Variants in HIPK2 observed in about 807,000 individuals in gnomAD.
The protein encoded by HIPK2 is homeodomain interacting protein kinase 2, also known as homeodomain-interacting protein kinase 2.
In HIPK2, 27 loss-of-function variants were observed where a neutral mutation model predicts 113.7. The ratio of observed to expected loss-of-function variants is 0.24; its 90% confidence interval spans 0.17 to 0.33. The LOEUF is 0.33. Among genes scored for constraint, HIPK2 ranks in the 10% least tolerant of loss-of-function variants. The probability of loss-of-function intolerance (pLI) is 1.00; values close to 1 mark genes in which losing one functional copy is unlikely to be tolerated. For missense variants in HIPK2, 1,257 were observed against 1,588.0 expected (o/e 0.79, Z 3.54); for synonymous variants, 631 against 642.2 (o/e 0.98, Z 0.26).
chr7:139,666,641 ACAAGACAC>A (rs1475442864), intron 2 of HIPK2, among the ~76,000 whole-genome samples: 2 of 152,230 alleles, frequency 1.3e-5, no homozygotes, highest in Admixed American at 6.5e-5. Flanking sequence ...CCACAGTACA[ACAAGACAC>A]CATATTTTGG....
intron 13 of HIPK2, among the ~76,000 whole-genome samples, chr7:139,580,541 T>C (rs947794247): frequency 1.3e-5 from 2 of 152,206 alleles, no homozygotes; most frequent in Non-Finnish European, 2.9e-5. Flanking sequence ...ATTCTAGAGT[T>C]TTCCAGTCAT....
At position 139,614,322 on chromosome 7, in the gene HIPK2, G is replaced by A; in HGVS notation, c.1954C>T (p.Gln652Ter). 1.3e-6 allele frequency: 2 copies of A among 1,556,700 alleles called. No homozygotes were observed. The highest frequency in any genetic ancestry group is 1.8e-5 in the Admixed American group (1 of 55,986). Residue 652 changes from glutamine (Q) to a stop codon, truncating the protein, a stop_gained, in exon 8 of 15, where the codon CAG (glutamine) becomes TAG (stop). Transcript: ENST00000406875. LOFTEE classifies it high-confidence loss of function. ...GGGGGACACACGATGAGAGCTTGCT[G>A]GAACGGGTCAGGCCGGGCACAAATC... ...AQICARPDPF[Q>*]QALIVCPPGF...
chr7:139,747,214 G>C (rs1796204363), intron 1 of HIPK2, among the ~76,000 whole-genome samples: 1 of 152,130 alleles, frequency 6.6e-6, no homozygotes, highest in African/African-American at 2.4e-5. Context: ...ATCAATTCAG[G>C]GGCTGGAGGC....
At chr7:139,731,226 T>C (rs538479212) in intron 1 of HIPK2, among the ~76,000 whole-genome samples, 5 of 152,336 alleles carry the variant, frequency 3.3e-5, no homozygotes, top group African/African-American at 1.2e-4. Context: ...AAATGGCAGG[T>C]TGCCCTCTCA....
chr7:139,662,029 C>T (rs528071640), intron 2 of HIPK2, among the ~76,000 whole-genome samples: 9 of 152,326 alleles, frequency 5.9e-5, no homozygotes, highest in African/African-American at 1.9e-4. Flanking sequence ...ATATGTTTAG[C>T]TTGGCTTCTG....
At position 139,635,051 on chromosome 7, in the gene HIPK2, G is replaced by A. The variant is rs372400653; in HGVS notation, c.1104-3326C>T. 1.2e-4 allele frequency among the ~76,000 whole-genome samples: 19 copies of A among 152,260 alleles called. No homozygotes were observed. The South Asian group carries it at 3.9e-3, about 32-fold the overall frequency. The stretch of plus-strand genomic sequence containing the variant: ...GGTGTCAGAACCTGCTTTTCTCTCT[G>A]CCCTCCCTGTTCTAGAGTCAGGGGT... On this transcript the variant is annotated intron_variant, in intron 2 of 14. Coordinates refer to ENST00000406875, the MANE Select transcript of HIPK2 (RefSeq NM_022740.5).
intron 2 of HIPK2, among the ~76,000 whole-genome samples, chr7:139,681,181 C>T (rs1488524684): frequency 1.3e-5 from 2 of 152,168 alleles, no homozygotes; most frequent in Non-Finnish European, 2.9e-5. Flanking sequence ...GTTTTCACTG[C>T]CACAGCACTT....
At chr7:139,652,307 T>C (rs572520235) in intron 2 of HIPK2, among the ~76,000 whole-genome samples, 25 of 152,314 alleles carry the variant, frequency 1.6e-4, no homozygotes, top group African/African-American at 5.3e-4. Context: ...ACGAGTGGCT[T>C]TGTATAAGAC....
intron 2 of HIPK2, among the ~76,000 whole-genome samples, chr7:139,694,761 G>A (rs951290991): frequency 0.044 from 6,655 of 152,272 alleles, 495 homozygotes; most frequent in African/African-American, 0.15. Flanking sequence ...TGGAGGATGA[G>A]GGCTGGAAGG....
intron 2 of HIPK2, among the ~76,000 whole-genome samples, chr7:139,706,410 G>A (rs939801118): frequency 9.2e-5 from 14 of 152,206 alleles, no homozygotes; most frequent in Admixed American, 9.2e-4. Context: ...GCATGCGAGG[G>A]TTTCCGGTGG....
At chr7:139,689,916 G>A (rs1794346332) in intron 2 of HIPK2, among the ~76,000 whole-genome samples, 1 of 152,136 alleles carries the variant, frequency 6.6e-6, no homozygotes, top group African/African-American at 2.4e-5. Context: ...GGCAGCCTGT[G>A]AGGGGGAAAG....
intron 2 of HIPK2, among the ~76,000 whole-genome samples, chr7:139,639,787 G>A (rs1343914701): frequency 1.3e-5 from 2 of 152,214 alleles, no homozygotes; most frequent in Non-Finnish European, 2.9e-5. Flanking sequence ...TCTATGTCAA[G>A]TGCACACCCT....
rs112956160 is a variant in HIPK2, at chr7:139,709,965, T to C, written c.1103+5967A>G. ...GCACTAACAATGTCCACATTCATAC[T>C]ATCGGGGGGTAGAACCCCCCATTAT... On this transcript the variant is annotated intron_variant, in intron 2 of 14. Coordinates refer to ENST00000406875, the MANE Select transcript of HIPK2 (RefSeq NM_022740.5). 1.8e-3 allele frequency among the ~76,000 whole-genome samples: 279 copies of C among 152,350 alleles called. 2 individuals are homozygous for C. The highest frequency in any genetic ancestry group is 6.5e-3 in the African/African-American group (271 of 41,582).
intron 11 of HIPK2, 48 bp downstream of exon 11, chr7:139,600,369 T>C: frequency 6.3e-7 from 1 of 1,586,176 alleles, no homozygotes; most frequent in South Asian, 1.1e-5. Context: ...TCTTTAGCAC[T>C]CACATCCCCT....
In HIPK2 at chr7:139,699,670, A is replaced by T. The variant is rs944206155; in HGVS notation, c.1103+16262T>A. Among the ~76,000 whole-genome samples, 22 of 152,236 alleles carry T rather than the reference A, an allele frequency of 1.4e-4. No homozygotes were observed. In the South Asian group the frequency reaches 4.1e-3, roughly 29 times the overall value. On this transcript the variant is annotated intron_variant, in intron 2 of 14. Transcript: ENST00000406875. ...ACAAGGTGGCCTTTCCCATGGCAGAACCCCTCACCCTTCACCTTTGGTGAT... is the reference window on the plus strand; with the variant it reads ...ACAAGGTGGCCTTTCCCATGGCAGATCCCCTCACCCTTCACCTTTGGTGAT...
chr7:139,634,697 A>C (rs1321527962), intron 2 of HIPK2, among the ~76,000 whole-genome samples: 1 of 68,198 alleles, frequency 1.5e-5, no homozygotes, highest in African/African-American at 1.1e-4. Context: ...TTTTTTTTTG[A>C]GACAGAGTCT....
chr7:139,638,594 C>T (rs1210211716), intron 2 of HIPK2, among the ~76,000 whole-genome samples: 2 of 152,030 alleles, frequency 1.3e-5, no homozygotes, highest in Non-Finnish European at 2.9e-5. Flanking sequence ...TCATTCCTTT[C>T]CAACATTCCC....
In HIPK2 at chr7:139,732,821, G is replaced by A. The variant is rs981087716; in HGVS notation, c.20-15806C>T. On this transcript the variant is annotated intron_variant, in intron 1 of 14. Coordinates refer to ENST00000406875, the MANE Select transcript of HIPK2 (RefSeq NM_022740.5). Reference sequence around the variant, plus strand: ...TATATATAACATATTATATATATATGTGTGTGTGTGTGTGTGTGTGTGTAT... The same window carrying A: ...TATATATAACATATTATATATATATATGTGTGTGTGTGTGTGTGTGTGTAT... Among the ~76,000 whole-genome samples, 55 of 117,554 alleles carry A rather than the reference G, an allele frequency of 4.7e-4. 1 individual carries two copies. Among genetic ancestry groups the A allele is most frequent in the Admixed American group, 2.2e-3 (25 of 11,324 alleles). The allele number at this position is 117,554 out of a possible 152,430, so 77.1% of individuals were successfully genotyped here.
At chr7:139,640,863 G>A (rs961954599) in intron 2 of HIPK2, among the ~76,000 whole-genome samples, 8 of 151,994 alleles carry the variant, frequency 5.3e-5, no homozygotes, top group South Asian at 2.1e-4. Flanking sequence ...CAATCCTTCC[G>A]CTTCAGCCTC....
Sources: allele counts gnomAD v4.1 joint callset (sites outside exome capture counted in the v4.1 genomes callset), GRCh38; gene constraint gnomAD v4.1.1; transcripts MANE v1.5; gene names NCBI Gene and HGNC (gene_info 2026-07-23, HGNC 2026-07-21).